RBBP8: variants seen among roughly 807,000 people sequenced by gnomAD.
RBBP8 encodes RB binding protein 8, endonuclease, also known as DNA endonuclease RBBP8.
Under a neutral mutation model 108.3 loss-of-function variants are expected in RBBP8, and 88 were observed. The ratio of observed to expected loss-of-function variants is 0.81; its 90% CI spans 0.68 to 0.97. The LOEUF (loss-of-function observed/expected upper bound fraction) is 0.97. Ranked by LOEUF, RBBP8 falls within the 50% of genes least tolerant of loss-of-function variation. The pLI is 0.00. For missense variants in RBBP8, 1,023 were observed against 1,049.0 expected, an observed-to-expected ratio of 0.98 and a Z score of 0.34; for synonymous variants, 332 against 348.2, an observed-to-expected ratio of 0.95 and a Z score of 0.52.
At chr18:22,957,328 T>C (rs1302280483) in intron 4 of RBBP8, among the ~76,000 whole-genome samples, 1 of 128,780 alleles carries the variant, frequency 7.8e-6, no homozygotes, top group Non-Finnish European at 1.6e-5. Flanking sequence ...CTTTCTCTGG[T>C]AGACTATAAG....
In RBBP8 at chr18:22,990,943, C is replaced by T. The variant is rs1047012743; in HGVS notation, c.814C>T (p.Gln272Ter). The T allele has an allele frequency of 1.2e-6, 2 of 1,612,250 alleles. No homozygotes were observed. The highest frequency in any genetic ancestry group is 2.7e-5 in the African/African-American group (2 of 74,882). ...GLGVQEESET[Q>*]GPMSPLGDEL... Reference sequence around the variant, plus strand: ...TCATATTTTACTCTTGAAGGAAACTCAAGGTCCCATGAGCCCCCTTGGTGA... The same window carrying T: ...TCATATTTTACTCTTGAAGGAAACTTAAGGTCCCATGAGCCCCCTTGGTGA... The change falls in exon 10 of 19, where the codon CAA becomes TAA. Residue 272 changes from glutamine (Q) to a stop codon, truncating the protein, a stop_gained. Coordinates refer to ENST00000327155, the MANE Select transcript of RBBP8 (RefSeq NM_002894.3). LOFTEE classifies it high-confidence loss of function.
rs113266350 is a variant in RBBP8, at chr18:22,985,129, T to C, written c.709+139T>C. ...GTTTATATTACTAGTTTACTATCTT[T>C]TTCATATTGGAAAGTAATGTTATCC... On this transcript the variant is annotated intron_variant, in intron 8 of 18. Coordinates refer to ENST00000327155, the MANE Select transcript of RBBP8 (RefSeq NM_002894.3). The C allele has an allele frequency of 3.7e-3, 4,272 of 1,149,964 alleles. 116 individuals carry two copies. In the African/African-American group the frequency reaches 0.059, roughly 16 times the overall value. The allele number at this position is 1,149,964 out of a possible 1,614,324, so 71.2% of individuals were successfully genotyped here.
chr18:22,983,792 A>C (rs993722343), intron 7 of RBBP8, among the ~76,000 whole-genome samples: 12 of 152,258 alleles, frequency 7.9e-5, no homozygotes, highest in Non-Finnish European at 1.5e-4. Flanking sequence ...ATTTTAAAAT[A>C]ATTTTAAGGC....
At chr18:22,961,814 G>A (rs1913125966) in intron 4 of RBBP8, among the ~76,000 whole-genome samples, 1 of 152,112 alleles carries the variant, frequency 6.6e-6, no homozygotes, top group Admixed American at 6.5e-5. Context: ...CAGATTCCCG[G>A]GCCCCGTCCC....
chr18:22,918,719 C>T (rs902298278), intron 3 of RBBP8, among the ~76,000 whole-genome samples: 10 of 152,158 alleles, frequency 6.6e-5, no homozygotes, highest in Admixed American at 6.5e-4. Context: ...CTCTGTCACC[C>T]AGGTTTAGCC....
At chr18:23,021,792 C>T (rs751870142) in intron 17 of RBBP8, among the ~76,000 whole-genome samples, 1 of 150,130 alleles carries the variant, frequency 6.7e-6, no homozygotes, top group Non-Finnish European at 1.5e-5. Flanking sequence ...TCAGCTGTAT[C>T]ACTAAGCACA....
At chr18:22,953,996 T>C (rs1912271949) in intron 4 of RBBP8, among the ~76,000 whole-genome samples, 1 of 151,980 alleles carries the variant, frequency 6.6e-6, no homozygotes, top group Non-Finnish European at 1.5e-5. Context: ...ACTCACTCAC[T>C]ATCCACAAGA....
intron 2 of RBBP8, among the ~76,000 whole-genome samples, chr18:22,939,721 G>C (rs1462577655): frequency 6.6e-6 from 1 of 152,136 alleles, no homozygotes; most frequent in Non-Finnish European, 1.5e-5. Context: ...TTGTGAATAA[G>C]AATAAATCCT....
At chr18:23,017,695 A>G (rs1232939758) in intron 17 of RBBP8, among the ~76,000 whole-genome samples, 5 of 150,488 alleles carry the variant, frequency 3.3e-5, no homozygotes, top group Non-Finnish European at 7.4e-5. Context: ...TCAGGAAATT[A>G]GGTATACTCA....
chr18:23,016,183 C>T (rs1204929787), intron 16 of RBBP8, among the ~76,000 whole-genome samples: 1 of 152,130 alleles, frequency 6.6e-6, no homozygotes, highest in Non-Finnish European at 1.5e-5. Context: ...TTCTTTTTTG[C>T]TCAGGATTGC....
rs1226439780 is a variant in RBBP8, at chr18:22,981,944, T to C, written c.429-274T>C. On this transcript the variant is annotated intron_variant, in intron 6 of 18. Coordinates refer to ENST00000327155, the MANE Select transcript of RBBP8 (RefSeq NM_002894.3). ...CAGTACTGCATGCCTTTCCTCAGAC[T>C]GTGGGTTCTCTCCTGATCTTGTCTG... is the stretch of plus-strand genomic sequence containing the variant. Among the ~76,000 whole-genome samples, 3 of 152,358 alleles carry C rather than the reference T, an allele frequency of 2.0e-5. No individual in the cohort carries two copies. The East Asian group carries it at 5.8e-4, about 29-fold the overall frequency.
chr18:22,965,200 ATTTC>A (rs1047291090), intron 4 of RBBP8, among the ~76,000 whole-genome samples: 1 of 150,902 alleles, frequency 6.6e-6, no homozygotes, highest in South Asian at 2.1e-4. Context: ...CAGATTTTTT[ATTTC>A]TTTTTTTAAT....
In RBBP8 at chr18:23,026,446, T is replaced by C; in HGVS notation, c.*206T>C. The stretch of plus-strand genomic sequence containing the variant: ...TTTTGCACTCTAACTTAAGAGTTTT[T>C]ACTTTATGTAGTGATACCTAATACA... On this transcript the variant is annotated 3_prime_UTR_variant, in exon 19 of 19. Transcript: ENST00000327155. The C allele has an allele frequency of 7.7e-6, 4 of 521,128 alleles. No individual in the cohort carries two copies. In the South Asian group the frequency reaches 8.3e-5, roughly 11 times the overall value. The allele number at this position is 521,128 out of a possible 1,614,324, so 32.3% of individuals were successfully genotyped here. A position where few individuals can be genotyped will look rare whatever the true frequency, so the allele number is the denominator to read the frequency against.
Position 22,998,224 on chromosome 18 carries a change from T to C in RBBP8, c.2143+490T>C, listed in dbSNP as rs150606544. On this transcript the variant is annotated intron_variant, in intron 14 of 18. Coordinates refer to ENST00000327155, the MANE Select transcript of RBBP8 (RefSeq NM_002894.3). ...GAGTCCTGTGTTAGAATTAACGTTTTCTAAAGAAATTTGATAAGGAAAGAA... is the reference window on the plus strand; with the variant it reads ...GAGTCCTGTGTTAGAATTAACGTTTCCTAAAGAAATTTGATAAGGAAAGAA... Among the ~76,000 whole-genome samples, 149 of 152,336 alleles carry C rather than the reference T, an allele frequency of 9.8e-4. 1 individual carries two copies. The highest frequency in any genetic ancestry group is 3.2e-3 in the African/African-American group (135 of 41,574).
At chr18:22,930,119 C>T (rs1567940052), upstream of RBBP8, among the ~76,000 whole-genome samples, 1 of 152,164 alleles carries the variant, frequency 6.6e-6, no homozygotes, top group Non-Finnish European at 1.5e-5. Flanking sequence ...TTTTAAGAAT[C>T]CTAGAGTCTG....
chr18:23,003,144 C>T (rs763897375), intron 15 of RBBP8, among the ~76,000 whole-genome samples: 5 of 152,144 alleles, frequency 3.3e-5, no homozygotes, highest in Non-Finnish European at 7.3e-5. Context: ...ACTTTTCTCT[C>T]ACAACTTTTA....
chr18:22,978,613 A>G (rs528369774), intron 6 of RBBP8, among the ~76,000 whole-genome samples: 19 of 151,714 alleles, frequency 1.3e-4, no homozygotes, highest in African/African-American at 4.6e-4. Flanking sequence ...TGGAATTTTT[A>G]TGACTAATAG....
In RBBP8 at chr18:22,936,836, G is replaced by A. The variant is rs374405394; in HGVS notation, c.-16G>A. 1.3e-4 allele frequency: 206 copies of A among 1,613,712 alleles called. No homozygotes were observed. The highest frequency in any genetic ancestry group is 1.6e-4 in the Non-Finnish European group (185 of 1,179,866). ...AAAATATTAAGCAAGTAGAAGTGTG[G>A]AGCATATTAAGCAAGATGAACATCT... On this transcript the variant is annotated 5_prime_UTR_variant, in exon 2 of 19. Coordinates refer to ENST00000327155, the MANE Select transcript of RBBP8 (RefSeq NM_002894.3).
At chr18:23,020,499 A>G (rs2046331063) in intron 17 of RBBP8, among the ~76,000 whole-genome samples, 1 of 152,200 alleles carries the variant, frequency 6.6e-6, no homozygotes, top group Non-Finnish European at 1.5e-5. Context: ...TACAGAAAGT[A>G]CATACAGTTC....
Sources: allele counts gnomAD v4.1 joint callset (sites outside exome capture counted in the v4.1 genomes callset), GRCh38; gene constraint gnomAD v4.1.1; transcripts MANE v1.5; gene names NCBI Gene and HGNC (gene_info 2026-07-23, HGNC 2026-07-21).